Variants in ITGB5 observed in about 807,000 individuals in gnomAD.
ITGB5 encodes integrin beta-5.
A neutral mutation model predicts 84.8 loss-of-function variants in ITGB5; 38 were observed. That is an observed-to-expected ratio of 0.45 (90% CI 0.35 to 0.59). The LOEUF (loss-of-function observed/expected upper bound fraction) is 0.59, where lower values mean the gene tolerates loss of function less well. Ranked by LOEUF, ITGB5 falls within the 20% of genes least tolerant of loss-of-function variation. The probability of loss-of-function intolerance (pLI) is 0.01; values close to 1 mark genes in which losing one functional copy is unlikely to be tolerated. For synonymous variants in ITGB5, 393 were observed against 414.4 expected (o/e 0.95, Z 0.63); for missense variants, 905 against 1,034.5 (o/e 0.87, Z 1.72).
At position 124,868,886 on chromosome 3, in the gene ITGB5, C is replaced by G. The variant is rs182050558; in HGVS notation, c.156+4560G>C. ...CAGGGCTGATGTGACACAGAGCCAA[C>G]TAAGAGAGAACCAGCAAGAGCACCG... On this transcript the variant is annotated intron_variant, in intron 2 of 14. Coordinates refer to ENST00000296181, the MANE Select transcript of ITGB5 (RefSeq NM_002213.5). Among the ~76,000 whole-genome samples, 3 of 152,094 alleles carry G rather than the reference C, an allele frequency of 2.0e-5. No individual in the cohort carries two copies. The East Asian group carries it at 5.8e-4, about 29-fold the overall frequency.
chr3:124,883,684 A>G (rs1934680327), intron 1 of ITGB5, among the ~76,000 whole-genome samples: 1 of 152,242 alleles, frequency 6.6e-6, no homozygotes, highest in South Asian at 2.1e-4. Flanking sequence ...CTAGAAGAAC[A>G]TTCGATTGCT....
At chr3:124,763,783 G>T in intron 14 of ITGB5, 65 bp from the exon 15 acceptor site, 1 of 943,668 alleles carries the variant, frequency 1.1e-6, no homozygotes, top group Non-Finnish European at 1.7e-6. Flanking sequence ...ACCGACAGAC[G>T]CAGGCCCTAG....
intron 13 of ITGB5, 30 bp from the exon 14 acceptor site, chr3:124,764,587 G>A (rs2063741095): frequency 6.3e-7 from 1 of 1,586,138 alleles, no homozygotes; most frequent in Non-Finnish European, 8.6e-7. Flanking sequence ...GGTAAGCAAA[G>A]CCACTAGCAT....
chr3:124,777,708 GC>G (rs551940071), intron 10 of ITGB5, among the ~76,000 whole-genome samples: 28 of 152,188 alleles, frequency 1.8e-4, no homozygotes, highest in Non-Finnish European at 2.9e-4. Flanking sequence ...GTGGGAGCTG[GC>G]ACACAAGTCA....
chr3:124,817,315 C>T (rs61761664), intron 8 of ITGB5, among the ~76,000 whole-genome samples: 3,768 of 152,234 alleles, frequency 0.025, 179 homozygotes, highest in African/African-American at 0.086. Context: ...CCTGCCTATG[C>T]GAGGTGTCAG....
At chr3:124,794,915 A>G (rs1208763957) in intron 10 of ITGB5, among the ~76,000 whole-genome samples, 1 of 152,214 alleles carries the variant, frequency 6.6e-6, no homozygotes, top group Non-Finnish European at 1.5e-5. Context: ...CCATGTAAGC[A>G]GAATGTCCAA....
intron 1 of ITGB5, among the ~76,000 whole-genome samples, chr3:124,900,076 A>G (rs1226208302): frequency 6.6e-6 from 1 of 152,160 alleles, no homozygotes; most frequent in Admixed American, 6.6e-5. Flanking sequence ...TGCATCTGGC[A>G]CCAGGTCCTG....
chr3:124,896,272 G>A (rs1935098902), intron 1 of ITGB5, among the ~76,000 whole-genome samples: 1 of 152,048 alleles, frequency 6.6e-6, no homozygotes, highest in African/African-American at 2.4e-5. Flanking sequence ...GTAACTCAGG[G>A]GCATTTGATA....
At chr3:124,889,743 T>A (rs1177421077), upstream of ITGB5, among the ~76,000 whole-genome samples, 1 of 152,134 alleles carries the variant, frequency 6.6e-6, no homozygotes, top group African/African-American at 2.4e-5. Flanking sequence ...GGCCAGCGCG[T>A]TGGCTCATGT....
At chr3:124,889,980 C>G (rs1173706439), upstream of ITGB5, among the ~76,000 whole-genome samples, 3 of 151,914 alleles carry the variant, frequency 2.0e-5, no homozygotes, top group Non-Finnish European at 4.4e-5. Context: ...CCACTGCACT[C>G]CACTCCAGCC....
At chr3:124,768,146 C>A (rs614664) in intron 12 of ITGB5, among the ~76,000 whole-genome samples, 70,022 of 152,016 alleles carry the variant, frequency 0.46, 17,504 homozygotes, top group African/African-American at 0.64. Flanking sequence ...AAAAGATGTA[C>A]GTTAGGACCA....
intron 1 of ITGB5, among the ~76,000 whole-genome samples, chr3:124,896,151 C>G (rs1177651596): frequency 6.6e-6 from 1 of 152,210 alleles, no homozygotes; most frequent in Non-Finnish European, 1.5e-5. Context: ...CGGGTGGACT[C>G]TAAAAATGAT....
Position 124,841,404 on chromosome 3 carries a change from T to C in ITGB5, c.759A>G (p.Val253=). 6.2e-7 allele frequency: 1 copy of C among 1,614,018 alleles called. No homozygotes were observed. Among genetic ancestry groups the C allele is most frequent in the South Asian group, 1.1e-5 (1 of 91,054 alleles). The part of the protein sequence containing the change: ...RDAPEGGFDA[V]LQAAVCKEKI... ...TTACCTTGCAGACGGCTGCCTGGAG[T>C]ACTGCATCAAAGCCCCCCTCAGGGG... Residue 253 remains valine (V), a synonymous_variant, in exon 5 of 15, where the codon GTA becomes GTG. Coordinates refer to ENST00000296181, the MANE Select transcript of ITGB5 (RefSeq NM_002213.5).
intron 1 of ITGB5, among the ~76,000 whole-genome samples, 179 bp downstream of exon 1, chr3:124,886,752 G>A (rs543699582): frequency 5.3e-5 from 8 of 151,694 alleles, no homozygotes; most frequent in East Asian, 2.0e-4. Context: ...ACAGCCCGGC[G>A]GGGCTGCGCG....
At chr3:124,874,306 G>GAA (rs59287818) in intron 1 of ITGB5, among the ~76,000 whole-genome samples, 19 of 113,368 alleles carry the variant, frequency 1.7e-4, no homozygotes, top group South Asian at 2.8e-4. Context: ...TCAAAAGCCG[G>GAA]AAAAAAAAAA....
At chr3:124,813,607 C>A (rs1290294130) in intron 8 of ITGB5, among the ~76,000 whole-genome samples, 5 of 152,168 alleles carry the variant, frequency 3.3e-5, no homozygotes, top group African/African-American at 1.2e-4. Flanking sequence ...CACTTACCCA[C>A]ATATGAATAA....
chr3:124,790,650 T>C (rs1262899066), intron 10 of ITGB5, among the ~76,000 whole-genome samples: 1 of 152,072 alleles, frequency 6.6e-6, no homozygotes, highest in African/African-American at 2.4e-5. Flanking sequence ...CCAGAACCCA[T>C]GCTTGGATGC....
At chr3:124,883,146 A>AT (rs1306851754) in intron 1 of ITGB5, among the ~76,000 whole-genome samples, 4 of 152,222 alleles carry the variant, frequency 2.6e-5, no homozygotes, top group African/African-American at 4.8e-5. Context: ...AAGGGGCCCT[A>AT]TTATTTAAGT....
intron 9 of ITGB5, among the ~76,000 whole-genome samples, chr3:124,799,875 C>T (rs1354176049): frequency 1.3e-5 from 2 of 152,174 alleles, no homozygotes; most frequent in African/African-American, 2.4e-5. Context: ...AAAGGGACCC[C>T]TTGATGGTGA....
Sources: gnomAD v4.1 joint callset for allele counts (sites outside exome capture counted in the v4.1 genomes callset) on GRCh38, gnomAD v4.1.1 for gene constraint, MANE v1.5 for transcripts, NCBI Gene and HGNC (gene_info 2026-07-23, HGNC 2026-07-21) for gene names.